The following ECHDC1 variants were observed in gnomAD, a reference collection of about 807,000 sequenced individuals.
ECHDC1 encodes the protein ethylmalonyl-CoA decarboxylase.
ECHDC1 carries 29 observed loss-of-function variants against 29.7 expected under a neutral mutation model. That is an observed-to-expected ratio of 0.98 (90% CI 0.73 to 1.33). The LOEUF is 1.33. Ranked by LOEUF, ECHDC1 falls within the 40% of genes most tolerant of loss-of-function variation. ECHDC1 has a pLI of 0.00. For missense variants in ECHDC1, 328 were observed against 350.0 expected (o/e 0.94, Z 0.50); for synonymous variants, 126 against 123.1 (o/e 1.02, Z -0.15).
intron 5 of ECHDC1, among the ~76,000 whole-genome samples, chr6:127,298,071 A>G (rs528872597): frequency 6.6e-6 from 1 of 152,346 alleles, no homozygotes; most frequent in East Asian, 1.9e-4. Context: ...TGGACACAGT[A>G]CAATACTTTA....
At chr6:127,303,092 T>C (rs1781177742) in intron 5 of ECHDC1, among the ~76,000 whole-genome samples, 1 of 151,978 alleles carries the variant, frequency 6.6e-6, no homozygotes, top group Non-Finnish European at 1.5e-5. Context: ...AAGTGACATA[T>C]TTTAACTGAT....
chr6:127,334,680 A>G (rs1038390006), intron 1 of ECHDC1, among the ~76,000 whole-genome samples: 9 of 152,070 alleles, frequency 5.9e-5, no homozygotes, highest in African/African-American at 2.2e-4. Flanking sequence ...CAAATTTACC[A>G]TGCTATTTTA....
intron 4 of ECHDC1, chr6:127,315,309 A>G (rs1026995101): frequency 2.9e-6 from 1 of 349,278 alleles, no homozygotes; most frequent in African/African-American, 2.1e-5. Context: ...TAAAAGTTGG[A>G]AAATCAAGGC....
At chr6:127,290,312 C>G (rs200430525) in intron 5 of ECHDC1, 35 bp from the exon 6 acceptor site, 2 of 1,581,740 alleles carry the variant, frequency 1.3e-6, no homozygotes, top group Non-Finnish European at 1.7e-6. Context: ...AATTGTAACT[C>G]TCTCTGTATG....
chr6:127,297,893 A>C (rs1027871982), intron 5 of ECHDC1, among the ~76,000 whole-genome samples: 23 of 152,170 alleles, frequency 1.5e-4, no homozygotes, highest in African/African-American at 5.6e-4. Flanking sequence ...TTCACTTATT[A>C]AACTTTGACT....
chr6:127,316,871 A>T (rs1359262375), intron 3 of ECHDC1, among the ~76,000 whole-genome samples: 2 of 150,710 alleles, frequency 1.3e-5, no homozygotes, highest in African/African-American at 4.9e-5. Flanking sequence ...AAGAAGGGAA[A>T]AGTTATGTTA....
Position 127,339,536 on chromosome 6 carries a change from A to T in ECHDC1, c.-3+3800T>A, listed in dbSNP as rs111613098. Among the ~76,000 whole-genome samples, 17 of 151,978 alleles carry T rather than the reference A, an allele frequency of 1.1e-4. 1 individual carries two copies. The highest frequency in any genetic ancestry group is 4.1e-4 in the African/African-American group (17 of 41,468). ...GCCTGTAATCCCAGCACTCTAGGAG[A>T]CCAAAGTGGGCAGATCGCCTGAGGT... On this transcript the variant is annotated intron_variant, in intron 1 of 5. Transcript: ENST00000454859.
chr6:127,290,358 T>TG, intron 5 of ECHDC1, 81 bp from the exon 6 acceptor site: 1 of 1,390,064 alleles, frequency 7.2e-7, no homozygotes, highest in Non-Finnish European at 9.7e-7. Context: ...CATGATCTGA[T>TG]GTGAATTCTC....
At position 127,326,738 on chromosome 6, in the gene ECHDC1, G is replaced by C. The variant is rs530268891; in HGVS notation, c.363+264C>G. On this transcript the variant is annotated intron_variant, in intron 3 of 5. Coordinates refer to ENST00000454859, the MANE Select transcript of ECHDC1 (RefSeq NM_001002030.2). ...TCCAAAATATCTAACACAACTGAGA[G>C]TGTTCTGCTAAACTAGAAATAACAG... is the stretch of plus-strand genomic sequence containing the variant. The C allele has an allele frequency of 4.4e-5, 18 of 409,886 alleles. No homozygotes were observed. In the South Asian group the frequency reaches 5.8e-4, roughly 13 times the overall value. 25.4% of individuals were successfully genotyped at this position (409,886 alleles called of 1,614,324 possible).
intron 3 of ECHDC1, among the ~76,000 whole-genome samples, chr6:127,323,158 C>T (rs1278589145): frequency 1.3e-5 from 2 of 151,984 alleles, no homozygotes; most frequent in Non-Finnish European, 2.9e-5. Context: ...AGTTGGGTTC[C>T]ATTCCCAGGA....
rs1292380092 is a variant in ECHDC1, at chr6:127,316,451, T to G, written c.415A>C (p.Arg139=). The G allele has an allele frequency of 6.2e-7, 1 of 1,602,402 alleles. No individual in the cohort carries two copies. Among genetic ancestry groups the G allele is most frequent in the Non-Finnish European group, 8.5e-7 (1 of 1,175,484 alleles). The change falls in exon 4 of 6, where the codon AGA becomes CGA. Residue 139 remains arginine, a splice_region_variant and synonymous_variant. Coordinates refer to ENST00000454859, the MANE Select transcript of ECHDC1 (RefSeq NM_001002030.2). Reference sequence around the variant, plus strand: ...ATTTTAAAAAGAAGGCTGCATTACCTCATAAATCTTGTTAAGGTGTTTTGC... The same window carrying G: ...ATTTTAAAAAGAAGGCTGCATTACCGCATAAATCTTGTTAAGGTGTTTTGC... The part of the protein sequence containing the change: ...FMQNTLTRFM[R]LPLISVALVQ...
intron 5 of ECHDC1, among the ~76,000 whole-genome samples, chr6:127,307,373 G>A (rs1231909116): frequency 6.6e-6 from 1 of 152,170 alleles, no homozygotes; most frequent in African/African-American, 2.4e-5. Flanking sequence ...GCTCACGCCT[G>A]TAATCCCAAC....
chr6:127,325,526 C>T (rs1582989808), intron 3 of ECHDC1, among the ~76,000 whole-genome samples: 1 of 151,928 alleles, frequency 6.6e-6, no homozygotes, highest in African/African-American at 2.4e-5. Context: ...CCCATTAAAC[C>T]ATCACCACTC....
intron 1 of ECHDC1, among the ~76,000 whole-genome samples, chr6:127,340,682 A>G (rs1388775560): frequency 6.6e-6 from 1 of 152,210 alleles, no homozygotes; most frequent in Non-Finnish European, 1.5e-5. Flanking sequence ...TTCCACCTTG[A>G]TAACTTTAGA....
At chr6:127,309,507 A>G (rs1781716598) in intron 5 of ECHDC1, among the ~76,000 whole-genome samples, 2 of 91,368 alleles carry the variant, frequency 2.2e-5, no homozygotes, top group Non-Finnish European at 5.1e-5. Context: ...ACACACACAC[A>G]CACACACACA....
Position 127,324,501 on chromosome 6 carries a change from G to A in ECHDC1, c.363+2501C>T, listed in dbSNP as rs111961474. Among the ~76,000 whole-genome samples, 239 of 152,210 alleles carry A rather than the reference G, an allele frequency of 1.6e-3. 1 individual carries two copies. Among genetic ancestry groups the A allele is most frequent in the Non-Finnish European group, 2.9e-3 (200 of 68,018 alleles). On this transcript the variant is annotated intron_variant, in intron 3 of 5. Coordinates refer to ENST00000454859, the MANE Select transcript of ECHDC1 (RefSeq NM_001002030.2). ...TCCTATTTTAGTCACAGGTAGGCTC[G>A]ACTAACCCAGGAATGTGCTATATCA...
At chr6:127,300,409 T>G (rs998048685) in intron 5 of ECHDC1, among the ~76,000 whole-genome samples, 1 of 152,186 alleles carries the variant, frequency 6.6e-6, no homozygotes, top group South Asian at 2.1e-4. Context: ...GTAACTAAAG[T>G]TAAATCCTTA....
intron 1 of ECHDC1, chr6:127,342,658 A>C: frequency 5.3e-6 from 2 of 375,176 alleles, no homozygotes; most frequent in Non-Finnish European, 9.6e-6. Context: ...CAACTGCTAT[A>C]CAGGAGCCCA....
At chr6:127,323,725 A>C (rs533026713) in intron 3 of ECHDC1, among the ~76,000 whole-genome samples, 11 of 152,248 alleles carry the variant, frequency 7.2e-5, no homozygotes, top group East Asian at 5.8e-4. Flanking sequence ...CATATACTAC[A>C]TACAGTGGCA....
Sources: allele counts gnomAD v4.1 joint callset (sites outside exome capture counted in the v4.1 genomes callset), GRCh38; gene constraint gnomAD v4.1.1; transcripts MANE v1.5; gene names NCBI Gene and HGNC (gene_info 2026-07-23, HGNC 2026-07-21).